Variants in VPS13B observed in about 807,000 individuals in gnomAD.
VPS13B encodes intermembrane lipid transfer protein VPS13B.
VPS13B carries 285 observed loss-of-function variants against 426.4 expected under a neutral mutation model. That is an observed-to-expected ratio of 0.67 (90% CI 0.61 to 0.74). The LOEUF (loss-of-function observed/expected upper bound fraction) is 0.74. VPS13B is among the 30% of genes least tolerant of loss of function. The probability of loss-of-function intolerance (pLI) is 0.00; values close to 1 mark genes in which losing one functional copy is unlikely to be tolerated. For missense variants in VPS13B, 4,537 were observed against 4,782.6 expected (o/e 0.95, Z 1.51); for synonymous variants, 1,676 against 1,676.4 (o/e 1.00, Z 0.01).
At chr8:99,545,942 A>T (rs1823947453) in intron 30 of VPS13B, among the ~76,000 whole-genome samples, 1 of 147,126 alleles carries the variant, frequency 6.8e-6, no homozygotes, top group South Asian at 2.1e-4. Flanking sequence ...ATCATGATTG[A>T]TACTTTTCCT....
chr8:99,434,623 G>A (rs564858929), intron 22 of VPS13B, among the ~76,000 whole-genome samples: 1 of 152,210 alleles, frequency 6.6e-6, no homozygotes, highest in African/African-American at 2.4e-5. Context: ...TATCTCCAGT[G>A]CATAAAAATA....
chr8:99,615,939 CATAA>C (rs1479033818), intron 33 of VPS13B, among the ~76,000 whole-genome samples: 1 of 151,994 alleles, frequency 6.6e-6, no homozygotes, highest in Non-Finnish European at 1.5e-5. Context: ...TATACATAGA[CATAA>C]ATATATATAT....
At chr8:99,742,440 A>G (rs1180860740) in intron 39 of VPS13B, among the ~76,000 whole-genome samples, 7 of 152,334 alleles carry the variant, frequency 4.6e-5, no homozygotes, top group African/African-American at 1.4e-4. Flanking sequence ...ATTCCAATCA[A>G]TAGAAAAACA....
At chr8:99,129,069 T>TA in intron 8 of VPS13B, among the ~76,000 whole-genome samples, 1 of 152,092 alleles carries the variant, frequency 6.6e-6, no homozygotes, top group East Asian at 1.9e-4. Context: ...ATATAGAGAA[T>TA]AAATTTCAAC....
At chr8:99,036,314 T>A (rs1383970511) in intron 2 of VPS13B, among the ~76,000 whole-genome samples, 1 of 152,168 alleles carries the variant, frequency 6.6e-6, no homozygotes, top group Non-Finnish European at 1.5e-5. Flanking sequence ...TTATCATAGA[T>A]GTTCTGATTT....
At chr8:99,864,658 T>C (rs1817004034) in intron 58 of VPS13B, among the ~76,000 whole-genome samples, 1 of 152,218 alleles carries the variant, frequency 6.6e-6, no homozygotes, top group Admixed American at 6.5e-5. Flanking sequence ...AAGGACCCAG[T>C]TAATAAAAAT....
At chr8:99,537,377 A>T (rs1331381498) in intron 30 of VPS13B, among the ~76,000 whole-genome samples, 3 of 152,352 alleles carry the variant, frequency 2.0e-5, no homozygotes, top group African/African-American at 7.2e-5. Flanking sequence ...CTTCATTTAT[A>T]CATATCTATA....
At chr8:99,274,665 TAATTA>T (rs1818802854) in intron 18 of VPS13B, among the ~76,000 whole-genome samples, 1 of 152,142 alleles carries the variant, frequency 6.6e-6, no homozygotes, top group African/African-American at 2.4e-5. Flanking sequence ...TATTGTAATA[TAATTA>T]AATAGGAGAC....
chr8:99,476,744 A>G (rs898675720), intron 24 of VPS13B, among the ~76,000 whole-genome samples: 3 of 152,182 alleles, frequency 2.0e-5, no homozygotes, highest in African/African-American at 7.2e-5. Context: ...TAACTTTTAT[A>G]AATGAAAACT....
At chr8:99,029,628 C>G (rs1421027861) in intron 2 of VPS13B, among the ~76,000 whole-genome samples, 1 of 152,044 alleles carries the variant, frequency 6.6e-6, no homozygotes, top group Non-Finnish European at 1.5e-5. Context: ...AAACGAAAAC[C>G]AGTCAGGTGT....
At chr8:99,832,710 C>G in intron 52 of VPS13B, 58 bp downstream of exon 52, 1 of 1,569,816 alleles carries the variant, frequency 6.4e-7, no homozygotes, top group Middle Eastern at 2.2e-4. Context: ...AGCTGTTCAT[C>G]TAGATGCCAA....
intron 6 of VPS13B, among the ~76,000 whole-genome samples, chr8:99,114,052 T>G (rs953541170): frequency 1.3e-5 from 2 of 152,168 alleles, no homozygotes; most frequent in African/African-American, 2.4e-5. Flanking sequence ...AAATTTACTT[T>G]GCAGTTTCTC....
intron 3 of VPS13B, among the ~76,000 whole-genome samples, chr8:99,053,289 G>T (rs570836443): frequency 1.3e-5 from 2 of 151,658 alleles, no homozygotes; most frequent in South Asian, 2.1e-4. Flanking sequence ...ATCCCTCCCC[G>T]CTCCCCGCAC....
intron 3 of VPS13B, among the ~76,000 whole-genome samples, chr8:99,093,356 T>A (rs916243913): frequency 3.3e-5 from 5 of 149,260 alleles, no homozygotes; most frequent in East Asian, 1.9e-4. Flanking sequence ...AATTTGGAAA[T>A]TTTTTTTTTT....
At chr8:99,140,054 A>G (rs1810318253) in intron 12 of VPS13B, among the ~76,000 whole-genome samples, 1 of 152,098 alleles carries the variant, frequency 6.6e-6, no homozygotes, top group Non-Finnish European at 1.5e-5. Flanking sequence ...AAGTAAGTTC[A>G]TGGCAGTATT....
intron 4 of VPS13B, among the ~76,000 whole-genome samples, chr8:99,100,491 T>C (rs997609102): frequency 1.3e-5 from 2 of 152,032 alleles, no homozygotes; most frequent in African/African-American, 2.4e-5. Context: ...GGTTTTACCA[T>C]GTTGCCCAGG....
At chr8:99,365,516 CT>C (rs1554754985) in intron 19 of VPS13B, among the ~76,000 whole-genome samples, 66 of 102,418 alleles carry the variant, frequency 6.4e-4, no homozygotes, top group African/African-American at 2.0e-3. Context: ...TCTTCTTCTT[CT>C]TTTTTTTTTT....
intron 39 of VPS13B, among the ~76,000 whole-genome samples, chr8:99,760,062 C>T (rs1048475525): frequency 1.3e-5 from 2 of 151,938 alleles, no homozygotes; most frequent in Non-Finnish European, 2.9e-5. Context: ...CTTCAACCTC[C>T]GCCTCCCAGG....
At chr8:99,743,870 A>C (rs1418379716) in intron 39 of VPS13B, among the ~76,000 whole-genome samples, 4 of 152,194 alleles carry the variant, frequency 2.6e-5, no homozygotes, top group African/African-American at 9.6e-5. Flanking sequence ...AACCATAAAA[A>C]CCCAGAAGAA....
Sources: gnomAD v4.1 joint callset for allele counts (sites outside exome capture counted in the v4.1 genomes callset) on GRCh38, gnomAD v4.1.1 for gene constraint, MANE v1.5 for transcripts, NCBI Gene and HGNC (gene_info 2026-07-23, HGNC 2026-07-21) for gene names.